The following ITGAL variants were observed in gnomAD, a reference collection of about 807,000 sequenced individuals.
ITGAL encodes the protein integrin subunit alpha L, also known as integrin alpha-L.
Under a neutral mutation model 138.4 loss-of-function variants are expected in ITGAL, and 68 were observed. The observed-to-expected ratio is 0.49, with a 90% CI of 0.40 to 0.60. The LOEUF (loss-of-function observed/expected upper bound fraction) is 0.60. Ranked by LOEUF, ITGAL falls within the 20% of genes least tolerant of loss-of-function variation. The probability of loss-of-function intolerance (pLI) is 0.00; values close to 1 mark genes in which losing one functional copy is unlikely to be tolerated. For synonymous variants in ITGAL, 561 were observed against 584.3 expected (o/e 0.96, Z 0.57); for missense variants, 1,256 against 1,478.6 (o/e 0.85, Z 2.47).
At chr16:30,506,305 G>C (rs2050994758) in intron 20 of ITGAL, among the ~76,000 whole-genome samples, 1 of 146,776 alleles carries the variant, frequency 6.8e-6, no homozygotes, top group Non-Finnish European at 1.5e-5. Context: ...TGTAATCCCA[G>C]CACTTTGGGA....
chr16:30,508,145 T>A (rs1232395890), intron 21 of ITGAL, among the ~76,000 whole-genome samples: 2 of 150,818 alleles, frequency 1.3e-5, no homozygotes, highest in East Asian at 2.0e-4. Context: ...CCTGACCTCA[T>A]GATCCACCCG....
rs552968185 is a variant in ITGAL, at chr16:30,518,613, C to G, written c.3133-11C>G. On this transcript the variant is annotated splice_polypyrimidine_tract_variant and intron_variant, in intron 28 of 30. Coordinates refer to ENST00000356798, the MANE Select transcript of ITGAL (RefSeq NM_002209.3). Reference sequence around the variant, plus strand: ...TCTCCCGGGTTCTGACGCCTTTCCCCGCTCCCACAGGCCTCTTCCATGTTC... The same window carrying G: ...TCTCCCGGGTTCTGACGCCTTTCCCGGCTCCCACAGGCCTCTTCCATGTTC... 1.2e-6 allele frequency: 2 copies of G among 1,603,556 alleles called. No homozygotes were observed.
Position 30,521,893 on chromosome 16 carries a change from T to C in ITGAL, c.*228T>C. ...AGAGGGCTGCAAAAGTGAGGGCTTG[T>C]CATTACCAGACGGTTCACCAGCCTC... is the stretch of plus-strand genomic sequence containing the variant. On this transcript the variant is annotated 3_prime_UTR_variant, in exon 31 of 31. Coordinates refer to ENST00000356798, the MANE Select transcript of ITGAL (RefSeq NM_002209.3). The C allele has an allele frequency of 5.9e-6, 3 of 510,710 alleles. No individual in the cohort carries two copies. Among genetic ancestry groups the C allele is most frequent in the Non-Finnish European group, 1.0e-5 (3 of 286,394 alleles). The allele number at this position is 510,710 out of a possible 1,614,324, so 31.6% of individuals were successfully genotyped here. A position where few individuals can be genotyped will look rare whatever the true frequency, so the allele number is the denominator to read the frequency against.
intron 11 of ITGAL, among the ~76,000 whole-genome samples, chr16:30,493,523 G>A (rs2050755884): frequency 6.6e-6 from 1 of 151,886 alleles, no homozygotes; most frequent in Non-Finnish European, 1.5e-5. Context: ...TGATCCACCT[G>A]CCTCGGCCTC....
At position 30,489,388 on chromosome 16, in the gene ITGAL, T is replaced by C; in HGVS notation, c.1213+2T>C. 6.2e-7 allele frequency: 1 copy of C among 1,614,018 alleles called. No individual in the cohort carries two copies. Among genetic ancestry groups the C allele is most frequent in the Non-Finnish European group, 8.5e-7 (1 of 1,179,900 alleles). ...CAGAAGTGAGAGCAGGCTATTTGGG[T>C]GAGTACTTCTCTTTTCTGCTGGGAT... On this transcript the variant is annotated splice_donor_variant, in intron 11 of 30. Transcript: ENST00000356798. LOFTEE classifies it high-confidence loss of function.
At chr16:30,476,598 G>C (rs1325442171) in intron 4 of ITGAL, among the ~76,000 whole-genome samples, 2 of 150,416 alleles carry the variant, frequency 1.3e-5, no homozygotes, top group Admixed American at 1.3e-4. Flanking sequence ...ATATTGTGAA[G>C]TATTACACAA....
chr16:30,474,732 T>C (rs2050443713), intron 2 of ITGAL: 1 of 164,546 alleles, frequency 6.1e-6, no homozygotes, highest in South Asian at 1.7e-4. Context: ...TGGCGGATCA[T>C]TCTCTGGGCC....
chr16:30,489,455 C>T (rs888298277), intron 11 of ITGAL, 69 bp downstream of exon 11: 19 of 1,526,348 alleles, frequency 1.2e-5, no homozygotes, highest in East Asian at 1.1e-4. Context: ...GCCTGGCTTC[C>T]AAAACAATAA....
chr16:30,479,573 G>A, intron 6 of ITGAL, 112 bp downstream of exon 6: 2 of 1,032,886 alleles, frequency 1.9e-6, no homozygotes, highest in Admixed American at 4.6e-5. Context: ...TATGGGCATG[G>A]CTATAACTGG....
rs1352787178 is a variant in ITGAL at position 30,479,186 on chromosome 16, G to A, written c.423G>A (p.Leu141=). ...LFRQNLQGPM[L]QGRPGFQECI... Reference sequence around the variant, plus strand: ...GCCAGAATCTGCAGGGTCCCATGCTGCAGGGGCGCCCTGGTTTTCAGGGTA... The same window carrying A: ...GCCAGAATCTGCAGGGTCCCATGCTACAGGGGCGCCCTGGTTTTCAGGGTA... The change falls in exon 5 of 31, where the codon CTG becomes CTA. Residue 141 remains leucine, a synonymous_variant. Coordinates refer to ENST00000356798, the MANE Select transcript of ITGAL (RefSeq NM_002209.3). The A allele has an allele frequency of 3.7e-6, 6 of 1,614,112 alleles. No homozygotes were observed. Among genetic ancestry groups the A allele is most frequent in the Non-Finnish European group, 3.4e-6 (4 of 1,180,020 alleles).
intron 11 of ITGAL, among the ~76,000 whole-genome samples, chr16:30,489,901 G>T (rs949527569): frequency 6.6e-6 from 1 of 150,758 alleles, no homozygotes; most frequent in South Asian, 2.1e-4. Context: ...ACGCAGCTGC[G>T]CACCAGTCTG....
rs1267848015 is a variant in ITGAL at position 30,501,422 on chromosome 16, A to G, written c.2145+1933A>G. 2.0e-5 allele frequency among the ~76,000 whole-genome samples: 3 copies of G among 151,886 alleles called. No individual in the cohort carries two copies. The South Asian group carries it at 6.2e-4, about 32-fold the overall frequency. ...GAAACCCCATCTCTACTAAAAATGT[A>G]CAAAATTAGCTGGGCGTGGTGGCCC... is the stretch of plus-strand genomic sequence containing the variant. On this transcript the variant is annotated intron_variant, in intron 17 of 30. Coordinates refer to ENST00000356798, the MANE Select transcript of ITGAL (RefSeq NM_002209.3).
chr16:30,488,828 G>T, intron 9 of ITGAL: 1 of 476,976 alleles, frequency 2.1e-6, no homozygotes, highest in Non-Finnish European at 3.9e-6. Context: ...AGTGAGCTGT[G>T]ATTGCGCCAC....
chr16:30,485,094 A>T (rs1363272270), intron 9 of ITGAL, among the ~76,000 whole-genome samples: 1 of 151,610 alleles, frequency 6.6e-6, no homozygotes, highest in Non-Finnish European at 1.5e-5. Context: ...AGCCTCTGTG[A>T]TCTTTCTTTC....
In ITGAL at chr16:30,494,761, G is replaced by A. The variant is rs1165705559; in HGVS notation, c.1414G>A (p.Asp472Asn). The A allele has an allele frequency of 6.2e-7, 1 of 1,613,564 alleles. No homozygotes were observed. The highest frequency in any genetic ancestry group is 1.1e-5 in the South Asian group (1 of 91,040). ...GELCGVDVDQ[D>N]GETELLLIGA... ...GCTGTGTGGCGTCGACGTGGACCAAGATGGGGAGACAGAGCTGCTGCTGAT... is the reference window on the plus strand; with the variant it reads ...GCTGTGTGGCGTCGACGTGGACCAAAATGGGGAGACAGAGCTGCTGCTGAT... Residue 472 changes from aspartate to asparagine, a missense_variant, in exon 13 of 31, where the codon GAT becomes AAT. Asp to Asn is a conservative substitution (Grantham distance 23). Coordinates refer to ENST00000356798, the MANE Select transcript of ITGAL (RefSeq NM_002209.3). This position sits in a 1 kb window ranked among gnomAD's most constrained non-coding sequence, Gnocchi z 4.2.
intron 17 of ITGAL, among the ~76,000 whole-genome samples, chr16:30,503,721 C>T (rs561241021): frequency 6.6e-6 from 1 of 152,076 alleles, no homozygotes; most frequent in Non-Finnish European, 1.5e-5. Flanking sequence ...GCTAGTAGAA[C>T]CTTCAGGTGA....
At chr16:30,502,677 G>A (rs2050921800) in intron 17 of ITGAL, among the ~76,000 whole-genome samples, 1 of 151,786 alleles carries the variant, frequency 6.6e-6, no homozygotes. Flanking sequence ...GAACCCAGGA[G>A]GCGGAGGTTG....
chr16:30,504,004 G>A (rs1412443272), intron 17 of ITGAL, 171 bp from the exon 18 acceptor site: 2 of 558,026 alleles, frequency 3.6e-6, no homozygotes, highest in South Asian at 2.1e-5. Flanking sequence ...AGCCCCCTGG[G>A]TGTGCTGTAC....
chr16:30,493,488 C>T (rs1004757110), intron 11 of ITGAL, among the ~76,000 whole-genome samples: 5 of 151,606 alleles, frequency 3.3e-5, no homozygotes, highest in East Asian at 3.9e-4. Context: ...GTGTTAGCCA[C>T]GATGGTCTCG....
Sources: allele counts gnomAD v4.1 joint callset (sites outside exome capture counted in the v4.1 genomes callset), GRCh38; gene constraint gnomAD v4.1.1; non-coding constraint Gnocchi (gnomAD v3.1); transcripts MANE v1.5; gene names NCBI Gene and HGNC (gene_info 2026-07-23, HGNC 2026-07-21).